Variants in CWC25 observed in about 807,000 individuals in gnomAD.
The protein encoded by CWC25 is pre-mRNA-splicing factor CWC25 homolog.
In CWC25, 31 loss-of-function variants were observed where a neutral mutation model predicts 54.6. That is an observed-to-expected ratio of 0.57 (90% CI 0.43 to 0.77). The LOEUF (loss-of-function observed/expected upper bound fraction) is 0.77. Among genes scored for constraint, CWC25 ranks in the 30% least tolerant of loss-of-function variants. CWC25 has a pLI of 0.00. For missense variants in CWC25, 453 were observed against 529.3 expected (o/e 0.86, Z 1.41); for synonymous variants, 151 against 187.0 (o/e 0.81, Z 1.57).
intron 6 of CWC25, among the ~76,000 whole-genome samples, chr17:38,809,330 A>T (rs999323278): frequency 2.6e-5 from 4 of 151,800 alleles, no homozygotes; most frequent in Non-Finnish European, 5.9e-5. Flanking sequence ...CGGGAGGCTA[A>T]AGCAGGAGAA....
chr17:38,809,600 A>T, intron 6 of CWC25, 102 bp downstream of exon 6: 1 of 1,068,184 alleles, frequency 9.4e-7, no homozygotes, highest in Middle Eastern at 2.3e-4. Context: ...CCTGTTTCCC[A>T]GCAGCCCAGG....
At chr17:38,803,513 C>T (rs1179964339) in intron 8 of CWC25, among the ~76,000 whole-genome samples, 1 of 151,994 alleles carries the variant, frequency 6.6e-6, no homozygotes, top group Non-Finnish European at 1.5e-5. Flanking sequence ...GCCTGTAATC[C>T]CAGCTACTTG....
intron 4 of CWC25, among the ~76,000 whole-genome samples, chr17:38,810,830 A>G (rs1374987551): frequency 1.3e-5 from 2 of 150,624 alleles, no homozygotes; most frequent in Non-Finnish European, 3.0e-5. Flanking sequence ...GGTGAGGTAC[A>G]AGAATCACCT....
intron 8 of CWC25, among the ~76,000 whole-genome samples, chr17:38,804,793 G>C (rs1478101890): frequency 9.8e-6 from 1 of 101,818 alleles, no homozygotes; most frequent in Admixed American, 1.2e-4. Context: ...GGGCGACAGA[G>C]CGAGACAAAA....
chr17:38,810,674 C>A, intron 4 of CWC25, 79 bp from the exon 5 acceptor site: 2 of 755,930 alleles, frequency 2.6e-6, no homozygotes, highest in Middle Eastern at 5.1e-4. Context: ...AATCCCAGCA[C>A]TTTGGGAGGC....
chr17:38,823,305 G>A (rs1189491954), intron 1 of CWC25, among the ~76,000 whole-genome samples: 4 of 150,340 alleles, frequency 2.7e-5, no homozygotes, highest in African/African-American at 4.9e-5. Flanking sequence ...GATTACAGGC[G>A]CCCGCCACTG....
chr17:38,809,579 A>G, intron 6 of CWC25, 123 bp downstream of exon 6: 1 of 786,908 alleles, frequency 1.3e-6, no homozygotes, highest in South Asian at 1.8e-5. Context: ...GTGCTCAGCG[A>G]TAAGAATGGG....
At chr17:38,818,505 T>C (rs1307000555) in intron 2 of CWC25, among the ~76,000 whole-genome samples, 2 of 130,380 alleles carry the variant, frequency 1.5e-5, no homozygotes, top group Non-Finnish European at 3.1e-5. Context: ...GGCAGGAGAA[T>C]GGCATGAACC....
chr17:38,816,578 CTTGT>C (rs1416238947), intron 2 of CWC25, among the ~76,000 whole-genome samples: 1 of 151,478 alleles, frequency 6.6e-6, no homozygotes, highest in East Asian at 2.0e-4. Context: ...AATGTGTATA[CTTGT>C]TTTTGAGGTT....
At chr17:38,820,111 T>C (rs1236460560) in intron 2 of CWC25, among the ~76,000 whole-genome samples, 1 of 152,158 alleles carries the variant, frequency 6.6e-6, no homozygotes, top group Non-Finnish European at 1.5e-5. Flanking sequence ...CCTATATATT[T>C]TTAAACAGAG....
In CWC25 at chr17:38,814,888, A is replaced by G. The variant is rs1911636902; in HGVS notation, c.401T>C (p.Ile134Thr). The G allele has an allele frequency of 2.5e-6, 4 of 1,612,648 alleles. No homozygotes were observed. Among genetic ancestry groups the G allele is most frequent in the Non-Finnish European group, 3.4e-6 (4 of 1,179,674 alleles). Residue 134 changes from isoleucine to threonine, a missense_variant, in exon 3 of 10, where the codon ATC becomes ACC. By Grantham distance (89) the Ile-to-Thr change is moderately conservative. Coordinates refer to ENST00000614790, the MANE Select transcript of CWC25 (RefSeq NM_017748.5). ...GATGATGAAGAGTGGGTCCTCCCGG[A>G]TCTTGCTGGCCATGTCAAGAAGGGA... ...ANSLLDMASK[I>T]REDPLFIIRK...
At chr17:38,821,321 G>A (rs1475244405) in intron 1 of CWC25, among the ~76,000 whole-genome samples, 2 of 152,168 alleles carry the variant, frequency 1.3e-5, no homozygotes, top group East Asian at 3.8e-4. Context: ...AGCACTTTGG[G>A]AGGCGGAGGC....
At chr17:38,822,288 C>G (rs1054140625) in intron 1 of CWC25, among the ~76,000 whole-genome samples, 1 of 152,120 alleles carries the variant, frequency 6.6e-6, no homozygotes, top group Admixed American at 6.6e-5. Flanking sequence ...GTCTCAAACT[C>G]TCGACCTCAG....
At chr17:38,806,612 T>A (rs773286320) in intron 7 of CWC25, 153 bp downstream of exon 7, 2 of 801,020 alleles carry the variant, frequency 2.5e-6, no homozygotes, top group South Asian at 3.8e-5. Flanking sequence ...GAGCTTTACA[T>A]TGAGGTGGAA....
intron 8 of CWC25, among the ~76,000 whole-genome samples, chr17:38,803,396 A>G (rs56820492): frequency 0.14 from 20,496 of 150,522 alleles, 3,970 homozygotes; most frequent in African/African-American, 0.43. Context: ...TTGGGAGGCC[A>G]AGGCGGGCAG....
At position 38,810,538 on chromosome 17, in the gene CWC25, G is replaced by T; in HGVS notation, c.556C>A (p.His186Asn). The change falls in exon 5 of 10, where the codon CAC (histidine) becomes AAC (asparagine). Residue 186 changes from histidine (H) to asparagine (N), a missense_variant. His to Asn is a moderately conservative substitution (Grantham distance 68). Around this residue, in one of 2 missense-constraint regions of CWC25, gnomAD observed 444 missense variants for 499.2 expected, o/e 0.89. Transcript: ENST00000614790. ...KKKKKEKKKK[H>N]KKHKHRSSSS... ...GAGCTTCTGTGCTTATGTTTCTTGT[G>T]CTTCTTTTTCTTCTCCTTCTTTTTC... The T allele has an allele frequency of 6.3e-7, 1 of 1,599,480 alleles. No individual in the cohort carries two copies. The highest frequency in any genetic ancestry group is 8.5e-7 in the Non-Finnish European group (1 of 1,172,218).
chr17:38,804,295 T>C (rs573167901), intron 8 of CWC25, among the ~76,000 whole-genome samples: 1 of 152,184 alleles, frequency 6.6e-6, no homozygotes, highest in Admixed American at 6.6e-5. Context: ...ATTGGAAAGA[T>C]AGGGATAGAA....
intron 2 of CWC25, among the ~76,000 whole-genome samples, chr17:38,816,762 G>A (rs1911715152): frequency 6.6e-6 from 1 of 150,726 alleles, no homozygotes; most frequent in South Asian, 2.1e-4. Context: ...TTGGCTCACG[G>A]CAACCTCTGC....
intron 1 of CWC25, among the ~76,000 whole-genome samples, chr17:38,822,270 T>G (rs1299646934): frequency 6.6e-6 from 1 of 151,892 alleles, no homozygotes; most frequent in Non-Finnish European, 1.5e-5. Context: ...TCTATGTTGG[T>G]CAGGCTGGTC....
Sources: gnomAD v4.1 joint callset for allele counts (sites outside exome capture counted in the v4.1 genomes callset) on GRCh38, gnomAD v4.1.1 for gene constraint, gnomAD v4.1.1 regional missense constraint, MANE v1.5 for transcripts, NCBI Gene and HGNC (gene_info 2026-07-23, HGNC 2026-07-21) for gene names.